DNAJC3: variants seen among roughly 807,000 people sequenced by gnomAD.
DNAJC3 encodes the protein dnaJ homolog subfamily C member 3.
Under a neutral mutation model 68.6 loss-of-function variants are expected in DNAJC3, and 38 were observed. The ratio of observed to expected loss-of-function variants is 0.55; its 90% CI spans 0.43 to 0.73. The LOEUF is 0.73. Among genes scored for constraint, DNAJC3 ranks in the 30% least tolerant of loss-of-function variants. The probability of loss-of-function intolerance (pLI) is 0.00; values close to 1 mark genes in which losing one functional copy is unlikely to be tolerated. For missense variants in DNAJC3, 526 were observed against 591.9 expected (o/e 0.89, Z 1.16); for synonymous variants, 203 against 204.0 (o/e 1.00, Z 0.04).
intron 5 of DNAJC3, 73 bp downstream of exon 5, chr13:95,757,869 C>A: frequency 7.2e-7 from 1 of 1,397,650 alleles, no homozygotes; most frequent in Non-Finnish European, 9.5e-7. Context: ...TTCGACATGT[C>A]ACATACCACA....
chr13:95,748,975 G>A (rs1196002083), intron 4 of DNAJC3, among the ~76,000 whole-genome samples: 1 of 152,086 alleles, frequency 6.6e-6, no homozygotes, highest in African/African-American at 2.4e-5. Context: ...TAACTGTTCT[G>A]GTTTTTATTG....
At chr13:95,683,946 A>AG (rs1879999992) in intron 1 of DNAJC3, among the ~76,000 whole-genome samples, 1 of 151,440 alleles carries the variant, frequency 6.6e-6, no homozygotes, top group African/African-American at 2.4e-5. Flanking sequence ...AAAAAAAAAA[A>AG]AAAAATTACC....
intron 1 of DNAJC3, among the ~76,000 whole-genome samples, chr13:95,707,573 C>T (rs908775182): frequency 2.0e-5 from 3 of 152,092 alleles, no homozygotes; most frequent in African/African-American, 7.2e-5. Context: ...AACCAGTCCT[C>T]GAATTGCATC....
chr13:95,730,228 A>C (rs1267317377), intron 4 of DNAJC3, among the ~76,000 whole-genome samples: 1 of 152,150 alleles, frequency 6.6e-6, no homozygotes, highest in Non-Finnish European at 1.5e-5. Context: ...TCCTGGCCTC[A>C]AGTGATTCTC....
intron 1 of DNAJC3, among the ~76,000 whole-genome samples, chr13:95,688,325 G>A (rs1165671425): frequency 6.9e-6 from 1 of 145,544 alleles, no homozygotes; most frequent in Non-Finnish European, 1.5e-5. Flanking sequence ...AATAGGAGTG[G>A]TGAGAATGGG....
At chr13:95,739,861 G>A (rs1174083285) in intron 4 of DNAJC3, among the ~76,000 whole-genome samples, 4 of 152,224 alleles carry the variant, frequency 2.6e-5, no homozygotes, top group African/African-American at 4.8e-5. Context: ...GTGAGGAACT[G>A]CGTTCCTTTA....
At chr13:95,764,945 G>A (rs981521405) in intron 9 of DNAJC3, among the ~76,000 whole-genome samples, 2 of 151,654 alleles carry the variant, frequency 1.3e-5, no homozygotes, top group African/African-American at 2.4e-5. Context: ...TGAAGGGTTC[G>A]AATGGTAAAA....
At chr13:95,761,766 A>G (rs1194842505) in intron 7 of DNAJC3, among the ~76,000 whole-genome samples, 2 of 149,440 alleles carry the variant, frequency 1.3e-5, no homozygotes, top group Non-Finnish European at 3.0e-5. Flanking sequence ...AACTTTTGGG[A>G]TTGGCTTTTT....
At position 95,793,482 on chromosome 13, in the gene DNAJC3, CTTTTT is replaced by C. The variant is rs1002199198; in HGVS notation, c.*2473_*2477del. 12 of 96,238 alleles carry C rather than the reference CTTTTT, an allele frequency of 1.2e-4. No individual in the cohort carries two copies. The South Asian group carries it at 1.5e-3, about 12-fold the overall frequency. The allele number at this position is 96,238 out of a possible 1,614,324, so 6.0% of individuals were successfully genotyped here. On this transcript the variant is annotated 3_prime_UTR_variant, in exon 12 of 12. Transcript: ENST00000602402. ...TTGGGGACTACAGGTGCCAGGTAACCTTTTTTTTTTTTTTTTTTTTTTTTTGAGAC... is the reference window on the plus strand; with the variant it reads ...TTGGGGACTACAGGTGCCAGGTAACCTTTTTTTTTTTTTTTTTTTTGAGAC...
chr13:95,729,070 G>C (rs1300984223), intron 4 of DNAJC3, among the ~76,000 whole-genome samples: 3 of 151,560 alleles, frequency 2.0e-5, no homozygotes, highest in African/African-American at 7.3e-5. Flanking sequence ...TTGACTTTCT[G>C]TGCCTGGCTT....
intron 1 of DNAJC3, among the ~76,000 whole-genome samples, chr13:95,681,873 A>G (rs1395062107): frequency 2.0e-5 from 3 of 152,194 alleles, no homozygotes; most frequent in Non-Finnish European, 4.4e-5. Flanking sequence ...TCACAAGGCA[A>G]GTTCTTCTTT....
At position 95,763,924 on chromosome 13, in the gene DNAJC3, C is replaced by T; in HGVS notation, c.1046C>T (p.Ala349Val). The T allele has an allele frequency of 1.2e-6, 2 of 1,613,880 alleles. No homozygotes were observed. Among genetic ancestry groups the T allele is most frequent in the Non-Finnish European group, 1.7e-6 (2 of 1,179,920 alleles). The stretch of plus-strand genomic sequence containing the variant: ...AATGCCCTGAAAGATCGAGCAGAGG[C>T]CTATTTGATAGAGGAAATGTATGAT... ...NVNALKDRAE[A>V]YLIEEMYDEA... is the part of the protein sequence containing the mutation. Residue 349 changes from alanine to valine, a missense_variant, in exon 9 of 12, where the codon GCC becomes GTC. Ala to Val is a moderately conservative substitution (Grantham distance 64). Coordinates refer to ENST00000602402, the MANE Select transcript of DNAJC3 (RefSeq NM_006260.5).
At chr13:95,740,700 C>T (rs532005555) in intron 4 of DNAJC3, among the ~76,000 whole-genome samples, 2 of 152,164 alleles carry the variant, frequency 1.3e-5, no homozygotes, top group African/African-American at 4.8e-5. Flanking sequence ...CACTGACCTG[C>T]GCCCACTGTC....
intron 4 of DNAJC3, among the ~76,000 whole-genome samples, chr13:95,735,506 T>C (rs1211907968): frequency 6.0e-5 from 9 of 149,264 alleles, no homozygotes; most frequent in African/African-American, 1.3e-4. Context: ...TTTTAATGAT[T>C]GCCATTCTAA....
rs371808016 is a variant in DNAJC3 at position 95,768,077 on chromosome 13, G to C, written c.1075+4124G>C. Among the ~76,000 whole-genome samples the C allele has an allele frequency of 3.2e-4, 49 of 151,930 alleles. 1 individual carries two copies. In the South Asian group the frequency reaches 9.8e-3, roughly 30 times the overall value. On this transcript the variant is annotated intron_variant, in intron 9 of 11. Coordinates refer to ENST00000602402, the MANE Select transcript of DNAJC3 (RefSeq NM_006260.5). Reference sequence around the variant, plus strand: ...GGGCTTGAGGTGGTACCTGGTTTTGGTTTTGATTTATATTTCCCTAATGAT... The same window carrying C: ...GGGCTTGAGGTGGTACCTGGTTTTGCTTTTGATTTATATTTCCCTAATGAT...
At chr13:95,741,520 G>C (rs771057315) in intron 4 of DNAJC3, among the ~76,000 whole-genome samples, 1 of 152,168 alleles carries the variant, frequency 6.6e-6, no homozygotes, top group South Asian at 2.1e-4. Context: ...ATGTTAGTGG[G>C]TCCACGTGGA....
At chr13:95,755,381 C>T (rs1882621796) in intron 4 of DNAJC3, among the ~76,000 whole-genome samples, 1 of 151,760 alleles carries the variant, frequency 6.6e-6, no homozygotes, top group African/African-American at 2.4e-5. Context: ...AACTGAGGAG[C>T]TGGAGATTGC....
At chr13:95,776,984 C>T (rs529266144) in intron 9 of DNAJC3, among the ~76,000 whole-genome samples, 1 of 152,276 alleles carries the variant, frequency 6.6e-6, no homozygotes, top group East Asian at 1.9e-4. Flanking sequence ...TTGTGTTAGT[C>T]TTGGTTCTAC....
chr13:95,790,825 C>G, intron 11 of DNAJC3, 48 bp from the exon 12 acceptor site: 1 of 1,591,018 alleles, frequency 6.3e-7, no homozygotes, highest in Non-Finnish European at 8.5e-7. Flanking sequence ...CCCCCTGCCC[C>G]TATACCTTAG....
Sources: gnomAD v4.1 joint callset for allele counts (sites outside exome capture counted in the v4.1 genomes callset) on GRCh38, gnomAD v4.1.1 for gene constraint, MANE v1.5 for transcripts, NCBI Gene and HGNC (gene_info 2026-07-23, HGNC 2026-07-21) for gene names.